The following DCDC2C variants were observed in gnomAD, a reference collection of about 807,000 sequenced individuals.
The protein encoded by DCDC2C is doublecortin domain-containing protein 2C.
In DCDC2C, 44 loss-of-function variants were observed where a neutral mutation model predicts 45.0. That is an observed-to-expected ratio of 0.98 (90% CI 0.77 to 1.26). The LOEUF (loss-of-function observed/expected upper bound fraction) is 1.26. Among genes scored for constraint, DCDC2C ranks in the 50% most tolerant of loss-of-function variants. The pLI, the probability that DCDC2C is intolerant of heterozygous loss-of-function variation, is 0.00. For synonymous variants in DCDC2C, 187 were observed against 178.8 expected (o/e 1.05, Z -0.37); for missense variants, 447 against 468.9 (o/e 0.95, Z 0.43).
chr2:3,768,028 T>G, intron 7 of DCDC2C, 148 bp downstream of exon 7: 4 of 969,508 alleles, frequency 4.1e-6, no homozygotes, highest in Non-Finnish European at 5.7e-6. Flanking sequence ...GTTCAGCTTG[T>G]AGGTAGTTCA....
At chr2:3,808,135 T>C (rs755478104) in intron 10 of DCDC2C, among the ~76,000 whole-genome samples, 3 of 152,220 alleles carry the variant, frequency 2.0e-5, no homozygotes, top group Non-Finnish European at 2.9e-5. Flanking sequence ...GTTTTGCAAC[T>C]GTACAGTGGA....
intron 10 of DCDC2C, among the ~76,000 whole-genome samples, chr2:3,811,095 A>C (rs1558237732): frequency 6.6e-6 from 1 of 152,188 alleles, no homozygotes; most frequent in Non-Finnish European, 1.5e-5. Flanking sequence ...AACTTAAAAT[A>C]GTTTTTTCTA....
In DCDC2C at chr2:3,737,428, A is replaced by G. The variant is rs143585644; in HGVS notation, c.417-4492A>G. 1.8e-3 allele frequency among the ~76,000 whole-genome samples: 271 copies of G among 148,008 alleles called. 1 individual carries two copies. Among genetic ancestry groups the G allele is most frequent in the African/African-American group, 6.4e-3 (259 of 40,584 alleles). On this transcript the variant is annotated intron_variant, in intron 3 of 10. Coordinates refer to ENST00000399143, the MANE Select transcript of DCDC2C (RefSeq NM_001287444.2). ...TACCCAACTGCAGTGGGTCATGGCTATTTGAAGATAGCGTGGCAATGGAAA... is the reference window on the plus strand; with the variant it reads ...TACCCAACTGCAGTGGGTCATGGCTGTTTGAAGATAGCGTGGCAATGGAAA...
rs190260435 is a variant in DCDC2C, at chr2:3,734,094, C to T, written c.416+7015C>T. On this transcript the variant is annotated intron_variant, in intron 3 of 10. Coordinates refer to ENST00000399143, the MANE Select transcript of DCDC2C (RefSeq NM_001287444.2). The surrounding 1 kb of genome is among the most constrained non-coding windows in gnomAD (Gnocchi z 4.2). Reference sequence around the variant, plus strand: ...AAGTTCTGCTATTTGACTGGGCTACCGGCTGCTGTCGTAAATCCCCCATTT... The same window carrying T: ...AAGTTCTGCTATTTGACTGGGCTACTGGCTGCTGTCGTAAATCCCCCATTT... 5.5e-4 allele frequency among the ~76,000 whole-genome samples: 84 copies of T among 152,334 alleles called. 1 individual carries two copies. In the East Asian group the frequency reaches 0.011, roughly 19 times the overall value.
At chr2:3,746,377 G>T (rs1188062156) in intron 4 of DCDC2C, among the ~76,000 whole-genome samples, 1 of 152,192 alleles carries the variant, frequency 6.6e-6, no homozygotes, top group African/African-American at 2.4e-5. Flanking sequence ...GGGAAAGTGG[G>T]AGTGGATGGG....
At chr2:3,809,033 G>A (rs1284389068) in intron 10 of DCDC2C, among the ~76,000 whole-genome samples, 1 of 152,062 alleles carries the variant, frequency 6.6e-6, no homozygotes, top group African/African-American at 2.4e-5. Context: ...AAAGTTACTT[G>A]CATTTTTTAT....
At position 3,726,903 on chromosome 2, in the gene DCDC2C, C is replaced by A. The variant is rs1002989254; in HGVS notation, c.340-100C>A. Reference sequence around the variant, plus strand: ...TGTTCTATTGACAAAGGGGTTCCCCCCCTTTCTTATGTTTTAGGGCAGTGC... The same window carrying A: ...TGTTCTATTGACAAAGGGGTTCCCCACCTTTCTTATGTTTTAGGGCAGTGC... On this transcript the variant is annotated intron_variant, in intron 2 of 10. Transcript: ENST00000399143. 3.7e-6 allele frequency: 4 copies of A among 1,076,664 alleles called. 1 individual carries two copies. In the South Asian group the frequency reaches 4.3e-5, roughly 12 times the overall value. The allele number at this position is 1,076,664 out of a possible 1,614,324, so 66.7% of individuals were successfully genotyped here. A position where few individuals can be genotyped will look rare whatever the true frequency, so the allele number is the denominator to read the frequency against.
intron 2 of DCDC2C, among the ~76,000 whole-genome samples, chr2:3,708,915 A>G (rs573030404): frequency 6.6e-6 from 1 of 152,334 alleles, no homozygotes; most frequent in Non-Finnish European, 1.5e-5. Flanking sequence ...GGTCTCAGGA[A>G]AAGTTATTTA....
chr2:3,826,766 C>A (rs1412090659), intron 10 of DCDC2C, among the ~76,000 whole-genome samples: 1 of 152,072 alleles, frequency 6.6e-6, no homozygotes, highest in African/African-American at 2.4e-5. Context: ...AAATAAAGCA[C>A]CTGCAGCCCC....
chr2:3,808,697 T>C (rs1469033398), intron 10 of DCDC2C, among the ~76,000 whole-genome samples: 1 of 152,254 alleles, frequency 6.6e-6, no homozygotes, highest in African/African-American at 2.4e-5. Context: ...TTTGCCAGTA[T>C]GTGGCTTGTC....
At chr2:3,742,271 T>A (rs951673113) in intron 4 of DCDC2C, among the ~76,000 whole-genome samples, 1 of 152,226 alleles carries the variant, frequency 6.6e-6, no homozygotes, top group African/African-American at 2.4e-5. Context: ...ATCTACCATG[T>A]GCTAGGGGTG....
At chr2:3,741,848 A>G (rs1263603508) in intron 3 of DCDC2C, 72 bp from the exon 4 acceptor site, 2 of 1,425,508 alleles carry the variant, frequency 1.4e-6, no homozygotes, top group African/African-American at 1.4e-5. Flanking sequence ...GTAATTGTAT[A>G]TATATTGAAT....
intron 3 of DCDC2C, among the ~76,000 whole-genome samples, chr2:3,740,022 G>A (rs1483506072): frequency 6.6e-6 from 1 of 152,236 alleles, no homozygotes; most frequent in African/African-American, 2.4e-5. Flanking sequence ...GGGGACAAGG[G>A]AACTTTTCCT....
intron 4 of DCDC2C, among the ~76,000 whole-genome samples, chr2:3,751,970 C>T (rs1265943532): frequency 6.6e-6 from 1 of 152,308 alleles, no homozygotes; most frequent in East Asian, 1.9e-4. Context: ...TGCACCTCAC[C>T]CTCAGTGACT....
intron 8 of DCDC2C, among the ~76,000 whole-genome samples, chr2:3,777,391 G>A (rs1332498877): frequency 6.6e-6 from 1 of 152,042 alleles, no homozygotes; most frequent in Non-Finnish European, 1.5e-5. Flanking sequence ...CTTCTTGAGG[G>A]CCTTGTTTGT....
chr2:3,718,341 G>C (rs1287442633), intron 2 of DCDC2C, among the ~76,000 whole-genome samples: 2 of 152,166 alleles, frequency 1.3e-5, no homozygotes, highest in Non-Finnish European at 2.9e-5. Context: ...AAACCGTCTG[G>C]CTGTCTGATT....
At chr2:3,834,419 C>T (rs1487079376) in intron 10 of DCDC2C, among the ~76,000 whole-genome samples, 1 of 152,188 alleles carries the variant, frequency 6.6e-6, no homozygotes, top group East Asian at 1.9e-4. Context: ...ATGGTTTCAC[C>T]GGTTCCAGAA....
At chr2:3,736,936 C>G (rs1669048243) in intron 3 of DCDC2C, among the ~76,000 whole-genome samples, 1 of 152,176 alleles carries the variant, frequency 6.6e-6, no homozygotes. Context: ...CCTGTAACCT[C>G]CTTTTGCCTT....
intron 10 of DCDC2C, among the ~76,000 whole-genome samples, chr2:3,789,935 T>C (rs928891342): frequency 6.6e-6 from 1 of 152,244 alleles, no homozygotes; most frequent in African/African-American, 2.4e-5. Flanking sequence ...GAGTTATCTA[T>C]GATTGATTAA....
Sources: gnomAD v4.1 joint callset for allele counts (sites outside exome capture counted in the v4.1 genomes callset) on GRCh38, gnomAD v4.1.1 for gene constraint, Gnocchi (gnomAD v3.1) non-coding constraint, MANE v1.5 for transcripts, NCBI Gene and HGNC (gene_info 2026-07-23, HGNC 2026-07-21) for gene names.